The following UGT2B10 variants were observed in gnomAD, a reference collection of about 807,000 sequenced individuals.
The protein encoded by UGT2B10 is UDP glucuronosyltransferase family 2 member B10.
UGT2B10 carries 51 observed loss-of-function variants against 43.7 expected under a neutral mutation model. The ratio of observed to expected loss-of-function variants is 1.17; its 90% CI spans 0.93 to 1.47. The LOEUF is 1.47. UGT2B10 is among the 40% of genes most tolerant of loss of function. The probability of loss-of-function intolerance (pLI) is 0.00; values close to 1 mark genes in which losing one functional copy is unlikely to be tolerated. For missense variants in UGT2B10, 696 were observed against 617.7 expected, an observed-to-expected ratio of 1.13 and a Z score of -1.34; for synonymous variants, 225 against 209.0, an observed-to-expected ratio of 1.08 and a Z score of -0.66.
chr4:68,826,386 A>G lies in UGT2B10; in HGVS notation c.1000-24A>G, dbSNP rs1261352640. ...AACTTTTGAGTTCCACTCGTGGAATAAGATATTCTCTTTACTGTAACAGGT... is the reference window on the plus strand; with the variant it reads ...AACTTTTGAGTTCCACTCGTGGAATGAGATATTCTCTTTACTGTAACAGGT... On this transcript the variant is annotated intron_variant, in intron 3 of 5. Coordinates refer to ENST00000265403, the MANE Select transcript of UGT2B10 (RefSeq NM_001075.6). The G allele has an allele frequency of 5.6e-6, 9 of 1,598,742 alleles. No individual in the cohort carries two copies. In the South Asian group the frequency reaches 7.9e-5, roughly 14 times the overall value.
At chr4:68,819,467 C>T (rs1737387088) in intron 2 of UGT2B10, among the ~76,000 whole-genome samples, 2 of 152,050 alleles carry the variant, frequency 1.3e-5, no homozygotes, top group Middle Eastern at 3.4e-3. Flanking sequence ...TAAAACACTT[C>T]CTCAACAATA....
At chr4:68,828,087 T>C (rs563816772) in intron 5 of UGT2B10, among the ~76,000 whole-genome samples, 48 of 152,098 alleles carry the variant, frequency 3.2e-4, no homozygotes, top group African/African-American at 1.1e-3. Flanking sequence ...GTTTGGAACA[T>C]TTTTATCAAC....
intron 3 of UGT2B10, 40 bp downstream of exon 3, chr4:68,822,442 A>G: frequency 6.2e-7 from 1 of 1,609,648 alleles, no homozygotes; most frequent in Non-Finnish European, 8.5e-7. Context: ...AACTACTGAA[A>G]GAGGCTGTTA....
Position 68,818,178 on chromosome 4 carries a change from G to T in UGT2B10, c.867+1G>T. The T allele has an allele frequency of 6.2e-7, 1 of 1,607,738 alleles. No individual in the cohort carries two copies. The highest frequency in any genetic ancestry group is 1.1e-5 in the South Asian group (1 of 89,906). On this transcript the variant is annotated splice_donor_variant, in intron 2 of 5. Coordinates refer to ENST00000265403, the MANE Select transcript of UGT2B10 (RefSeq NM_001075.6). LOFTEE classifies it high-confidence loss of function. ...CAAACCTGCCAAACCCCTACCTAAG[G>T]TAAACATACTTTCGTTGGTTTTATT...
chr4:68,830,059 T>G (rs1738010790), intron 5 of UGT2B10, among the ~76,000 whole-genome samples: 1 of 152,032 alleles, frequency 6.6e-6, no homozygotes, highest in South Asian at 2.1e-4. Flanking sequence ...TTTAGGAACT[T>G]AGAGATGTTA....
At position 68,816,521 on chromosome 4, in the gene UGT2B10, G is replaced by A. The variant is rs773673005; in HGVS notation, c.502G>A (p.Val168Met). The change falls in exon 1 of 6, where the codon GTG becomes ATG. Residue 168 changes from valine (V) to methionine (M), a missense_variant. Transcript: ENST00000265403. Reference sequence around the variant, plus strand: ...GGCTGAGCTATTTAACATACCCTTTGTGTACAGTCACAGCTTCAGTCCTGG... The same window carrying A: ...GGCTGAGCTATTTAACATACCCTTTATGTACAGTCACAGCTTCAGTCCTGG... ...LLAELFNIPF[V>M]YSHSFSPGYS... 3 of 1,612,976 alleles carry A rather than the reference G, an allele frequency of 1.9e-6. No individual in the cohort carries two copies. In the African/African-American group the frequency reaches 4.0e-5, roughly 22 times the overall value.
At position 68,830,679 on chromosome 4, in the gene UGT2B10, A is replaced by G. The variant is rs1250825543; in HGVS notation, c.1387A>G (p.Ile463Val). Residue 463 changes from isoleucine to valine, a missense_variant, in exon 6 of 6, where the codon ATT (isoleucine) becomes GTT (valine). Transcript: ENST00000265403. Reference sequence around the variant, plus strand: ...GCCCCTGGATCGAGCAGTCTTCTGGATTGAATTTGTCATGCGCCACAAAGG... The same window carrying G: ...GCCCCTGGATCGAGCAGTCTTCTGGGTTGAATTTGTCATGCGCCACAAAGG... ...VKPLDRAVFWIEFVMRHKGAK... is the reference protein window; with the variant it reads ...VKPLDRAVFWVEFVMRHKGAK... The G allele has an allele frequency of 6.2e-7, 1 of 1,613,412 alleles. No individual in the cohort carries two copies. The highest frequency in any genetic ancestry group is 8.5e-7 in the Non-Finnish European group (1 of 1,179,516).
Position 68,830,870 on chromosome 4 carries a change from A to G in UGT2B10, c.1578A>G (p.Lys526=). The change falls in exon 6 of 6, where the codon AAA becomes AAG. Residue 526 remains lysine (K), a synonymous_variant. Transcript: ENST00000265403. Reference sequence around the variant, plus strand: ...TTGCTAGAAAAGGAAAGAAGGGAAAAAGGGATTAGTTATATCTGAGATTTG... The same window carrying G: ...TTGCTAGAAAAGGAAAGAAGGGAAAGAGGGATTAGTTATATCTGAGATTTG... ...WKFARKGKKG[K]RD is the part of the protein sequence containing the mutation. The G allele has an allele frequency of 6.2e-7, 1 of 1,612,876 alleles. No individual in the cohort carries two copies. The highest frequency in any genetic ancestry group is 8.5e-7 in the Non-Finnish European group (1 of 1,179,326).
At chr4:68,820,916 T>C (rs1370769557) in intron 2 of UGT2B10, among the ~76,000 whole-genome samples, 1 of 152,124 alleles carries the variant, frequency 6.6e-6, no homozygotes. Context: ...GTGATGAATC[T>C]CTACACAGAG....
intron 3 of UGT2B10, among the ~76,000 whole-genome samples, chr4:68,825,895 G>A (rs890206852): frequency 6.6e-6 from 1 of 151,924 alleles, no homozygotes; most frequent in Non-Finnish European, 1.5e-5. Flanking sequence ...TTTGCCTCTA[G>A]GTTTTTGAGG....
intron 3 of UGT2B10, among the ~76,000 whole-genome samples, chr4:68,824,451 C>A (rs1421857076): frequency 2.6e-5 from 4 of 152,130 alleles, no homozygotes; most frequent in Admixed American, 6.6e-5. Context: ...AGGAAGGAGA[C>A]AAACAGAAGG....
At chr4:68,822,090 A>T (rs1737529658) in intron 2 of UGT2B10, among the ~76,000 whole-genome samples, 181 bp from the exon 3 acceptor site, 1 of 152,184 alleles carries the variant, frequency 6.6e-6, no homozygotes, top group Admixed American at 6.6e-5. Context: ...AACAGAGGCC[A>T]ACTATCTCAT....
chr4:68,825,590 A>T (rs1163092546), intron 3 of UGT2B10, among the ~76,000 whole-genome samples: 1 of 152,048 alleles, frequency 6.6e-6, no homozygotes, highest in Non-Finnish European at 1.5e-5. Context: ...GACTTGTTAC[A>T]CTTGGATTTC....
chr4:68,824,937 G>A (rs2109696911), intron 3 of UGT2B10, among the ~76,000 whole-genome samples: 1 of 152,198 alleles, frequency 6.6e-6, no homozygotes, highest in Non-Finnish European at 1.5e-5. Flanking sequence ...GTAATACTCT[G>A]AATTTGTGTC....
At chr4:68,816,796 A>T in intron 1 of UGT2B10, 59 bp downstream of exon 1, 3 of 1,372,912 alleles carry the variant, frequency 2.2e-6, no homozygotes, top group Non-Finnish European at 3.0e-6. Context: ...TTTGAAGCAC[A>T]ACTTGCATAA....
intron 2 of UGT2B10, among the ~76,000 whole-genome samples, chr4:68,820,871 A>T (rs1051565802): frequency 6.6e-6 from 1 of 152,190 alleles, no homozygotes; most frequent in Non-Finnish European, 1.5e-5. Flanking sequence ...TTTTTATAAC[A>T]TTATCACAAA....
At chr4:68,823,411 G>A (rs1737611612) in intron 3 of UGT2B10, among the ~76,000 whole-genome samples, 1 of 152,108 alleles carries the variant, frequency 6.6e-6, no homozygotes, top group Non-Finnish European at 1.5e-5. Flanking sequence ...GGACACTGAG[G>A]CAGGAGAATC....
chr4:68,831,250 T>A lies in UGT2B10; in HGVS notation c.*371T>A, dbSNP rs1440302167. On this transcript the variant is annotated 3_prime_UTR_variant, in exon 6 of 6. Transcript: ENST00000265403. ...CTGGGACCATAGGTGCATGTCACCA[T>A]GTCCAACTAATTTTTTATTTTTTGT... The A allele has an allele frequency of 5.3e-6, 1 of 189,456 alleles. No individual in the cohort carries two copies. 11.7% of individuals were successfully genotyped at this position (189,456 alleles called of 1,614,324 possible).
chr4:68,817,457 C>T (rs1023288240), intron 1 of UGT2B10, among the ~76,000 whole-genome samples: 1 of 151,696 alleles, frequency 6.6e-6, no homozygotes. Flanking sequence ...TCAAAAATTT[C>T]TAGCTATAAT....
Sources: gnomAD v4.1 joint callset for allele counts (sites outside exome capture counted in the v4.1 genomes callset) on GRCh38, gnomAD v4.1.1 for gene constraint, MANE v1.5 for transcripts, NCBI Gene and HGNC (gene_info 2026-07-23, HGNC 2026-07-21) for gene names.